The following ARNT variants were observed in gnomAD, a reference collection of about 807,000 sequenced individuals.
ARNT encodes the protein aryl hydrocarbon receptor nuclear translocator.
A neutral mutation model predicts 105.0 loss-of-function variants in ARNT; 30 were observed. That is an observed-to-expected ratio of 0.29 (90% CI 0.21 to 0.39). The LOEUF (loss-of-function observed/expected upper bound fraction) is 0.39, where lower values mean the gene tolerates loss of function less well. ARNT is among the 10% of genes least tolerant of loss of function. The pLI, the probability that ARNT is intolerant of heterozygous loss-of-function variation, is 1.00. For synonymous variants in ARNT, 304 were observed against 344.0 expected, an observed-to-expected ratio of 0.88 and a Z score of 1.29; for missense variants, 748 against 978.7, an observed-to-expected ratio of 0.76 and a Z score of 3.15.
At chr1:150,861,239 G>T in intron 1 of ARNT, 1 of 398,654 alleles carries the variant, frequency 2.5e-6, no homozygotes, top group Non-Finnish European at 4.9e-6. Flanking sequence ...GGGTGCAGTG[G>T]TGCGCACCTG....
At chr1:150,814,292 C>T (rs1028392448) in intron 19 of ARNT, 53 bp from the exon 20 acceptor site, 5 of 1,558,786 alleles carry the variant, frequency 3.2e-6, no homozygotes, top group Non-Finnish European at 4.4e-6. Flanking sequence ...AACATCATTG[C>T]ACATACCATG....
At chr1:150,868,955 C>T (rs1049598021) in intron 1 of ARNT, among the ~76,000 whole-genome samples, 6 of 151,364 alleles carry the variant, frequency 4.0e-5, no homozygotes, top group African/African-American at 7.3e-5. Flanking sequence ...ATAGCGAGAT[C>T]CTGTCTCTAC....
At position 150,848,620 on chromosome 1, in the gene ARNT, C is replaced by T. The variant is rs866597415; in HGVS notation, c.183-2313G>A. Among the ~76,000 whole-genome samples the T allele has an allele frequency of 5.2e-4, 79 of 152,232 alleles. 1 individual carries two copies. The highest frequency in any genetic ancestry group is 6.8e-3 in the Middle Eastern group (2 of 294). The stretch of plus-strand genomic sequence containing the variant: ...CTCGGCTCACTGCAATCTCTGCTTC[C>T]AGGACTCAAACCACCCTCCCACCTC... On this transcript the variant is annotated intron_variant, in intron 3 of 21. Transcript: ENST00000358595.
At chr1:150,842,197 CTAAT>C (rs1369973901) in intron 5 of ARNT, 17 of 900,256 alleles carry the variant, frequency 1.9e-5, no homozygotes, top group Non-Finnish European at 2.3e-5. Context: ...AAACTTAAAA[CTAAT>C]AGCAATTTCT....
intron 7 of ARNT, among the ~76,000 whole-genome samples, chr1:150,835,477 C>G (rs1660149618): frequency 6.6e-6 from 1 of 152,214 alleles, no homozygotes; most frequent in East Asian, 1.9e-4. Context: ...GTGACATGAA[C>G]TACTCCTAGC....
intron 1 of ARNT, among the ~76,000 whole-genome samples, chr1:150,873,145 C>T (rs1427386691): frequency 1.3e-4 from 20 of 151,732 alleles, no homozygotes; most frequent in African/African-American, 3.9e-4. Flanking sequence ...AAAAATTAGC[C>T]GGGCGTGGTG....
intron 1 of ARNT, among the ~76,000 whole-genome samples, chr1:150,864,630 G>A (rs1369935590): frequency 1.1e-5 from 1 of 90,140 alleles, no homozygotes; most frequent in Non-Finnish European, 2.1e-5. Context: ...GGGGAGGGGG[G>A]AGGGATAGCA....
chr1:150,813,908 G>A (rs984807927), intron 20 of ARNT, among the ~76,000 whole-genome samples, 169 bp downstream of exon 20: 1 of 152,164 alleles, frequency 6.6e-6, no homozygotes, highest in Admixed American at 6.5e-5. Flanking sequence ...TTACAGGCGT[G>A]AGCCACCGCA....
At chr1:150,832,866 A>G (rs1659594639) in intron 8 of ARNT, among the ~76,000 whole-genome samples, 1 of 152,170 alleles carries the variant, frequency 6.6e-6, no homozygotes, top group Admixed American at 6.5e-5. Flanking sequence ...GTTCATTATT[A>G]TCTTGCTCTT....
chr1:150,824,069 C>A (rs1657688906), intron 13 of ARNT, among the ~76,000 whole-genome samples: 1 of 151,650 alleles, frequency 6.6e-6, no homozygotes, highest in Admixed American at 6.6e-5. Flanking sequence ...TCTCGATTTC[C>A]CGACCTCGGG....
chr1:150,867,176 C>A (rs1666728116), intron 1 of ARNT, among the ~76,000 whole-genome samples: 1 of 151,932 alleles, frequency 6.6e-6, no homozygotes, highest in Non-Finnish European at 1.5e-5. Context: ...TGCACTCCAG[C>A]CTGGGCAACA....
Position 150,876,594 on chromosome 1 carries a change from C to T in ARNT, c.-27G>A. On this transcript the variant is annotated 5_prime_UTR_variant, in exon 1 of 22. Coordinates refer to ENST00000358595, the MANE Select transcript of ARNT (RefSeq NM_001668.4). The stretch of plus-strand genomic sequence containing the variant: ...GCCGCAGATGCCACCGCCGCCGCGC[C>T]ACCCCCCCCCCCAGTGGGAGGAGCC... 7.1e-7 allele frequency: 1 copy of T among 1,402,358 alleles called. No homozygotes were observed. The highest frequency in any genetic ancestry group is 1.3e-5 in the South Asian group (1 of 75,946). 86.9% of individuals were successfully genotyped at this position (1,402,358 alleles called of 1,614,324 possible).
At chr1:150,865,834 A>G (rs887416759) in intron 1 of ARNT, among the ~76,000 whole-genome samples, 2 of 152,178 alleles carry the variant, frequency 1.3e-5, no homozygotes, top group Admixed American at 6.5e-5. Flanking sequence ...GGTAGAGCCT[A>G]TCTTCTAGTG....
At chr1:150,814,293 A>G in intron 19 of ARNT, 54 bp from the exon 20 acceptor site, 1 of 1,557,472 alleles carries the variant, frequency 6.4e-7, no homozygotes, top group African/African-American at 1.4e-5. Flanking sequence ...ACATCATTGC[A>G]CATACCATGC....
intron 2 of ARNT, among the ~76,000 whole-genome samples, chr1:150,857,606 G>A (rs1664862822): frequency 6.6e-6 from 1 of 152,110 alleles, no homozygotes; most frequent in South Asian, 2.1e-4. Flanking sequence ...AAGGAAAAAG[G>A]AAAATTTAAT....
At chr1:150,843,543 G>A (rs587639883) in intron 4 of ARNT, among the ~76,000 whole-genome samples, 3 of 152,288 alleles carry the variant, frequency 2.0e-5, no homozygotes, top group South Asian at 4.1e-4. Flanking sequence ...AAAAATTTAC[G>A]CATATATTCT....
At chr1:150,814,037 G>C in intron 20 of ARNT, 40 bp downstream of exon 20, 1 of 1,606,608 alleles carries the variant, frequency 6.2e-7, no homozygotes, top group African/African-American at 1.3e-5. Flanking sequence ...CTCTTTAGTG[G>C]TGCGATTTTC....
At chr1:150,819,071 T>C (rs1003238412) in intron 14 of ARNT, among the ~76,000 whole-genome samples, 7 of 152,152 alleles carry the variant, frequency 4.6e-5, no homozygotes, top group African/African-American at 1.7e-4. Context: ...TTCTAAAGAC[T>C]GAATTGGACA....
intron 2 of ARNT, among the ~76,000 whole-genome samples, chr1:150,854,205 C>T (rs1363986723): frequency 6.6e-6 from 1 of 152,122 alleles, no homozygotes; most frequent in Non-Finnish European, 1.5e-5. Flanking sequence ...CCCATCTTGG[C>T]CTCCCAATTA....
Sources: allele counts gnomAD v4.1 joint callset (sites outside exome capture counted in the v4.1 genomes callset), GRCh38; gene constraint gnomAD v4.1.1; transcripts MANE v1.5; gene names NCBI Gene and HGNC (gene_info 2026-07-23, HGNC 2026-07-21).